The following MAD1L1 variants were observed in gnomAD, a reference collection of about 807,000 sequenced individuals.
MAD1L1 encodes the protein mitotic spindle assembly checkpoint protein MAD1.
In MAD1L1, 95 loss-of-function variants were observed where a neutral mutation model predicts 96.9. The ratio of observed to expected loss-of-function variants is 0.98; its 90% confidence interval spans 0.83 to 1.16. The LOEUF (loss-of-function observed/expected upper bound fraction) is 1.16, where lower values mean the gene tolerates loss of function less well. Among genes scored for constraint, MAD1L1 ranks in the 50% most tolerant of loss-of-function variants. The pLI is 0.00. For synonymous variants in MAD1L1, 473 were observed against 396.6 expected (o/e 1.19, Z -2.29); for missense variants, 1,007 against 954.4 (o/e 1.06, Z -0.73).
At chr7:1,890,372 T>C (rs1302416200) in intron 18 of MAD1L1, among the ~76,000 whole-genome samples, 1 of 152,178 alleles carries the variant, frequency 6.6e-6, no homozygotes, top group Non-Finnish European at 1.5e-5. Flanking sequence ...CCATGAGAGC[T>C]GGTTGTTAGA....
At chr7:1,932,152 G>A (rs1789515748) in intron 17 of MAD1L1, among the ~76,000 whole-genome samples, 3 of 152,112 alleles carry the variant, frequency 2.0e-5, no homozygotes, top group African/African-American at 7.3e-5. Flanking sequence ...CCCAGGCTGG[G>A]GGCTTCCTTC....
intron 12 of MAD1L1, among the ~76,000 whole-genome samples, chr7:2,023,842 G>A (rs556737480): frequency 7.2e-5 from 11 of 152,112 alleles, no homozygotes; most frequent in African/African-American, 1.4e-4. Flanking sequence ...CCAGCTACTT[G>A]GAAGACCGAG....
chr7:2,041,363 T>C (rs1584159973), intron 12 of MAD1L1, among the ~76,000 whole-genome samples: 2 of 148,832 alleles, frequency 1.3e-5, no homozygotes, highest in East Asian at 2.0e-4. Flanking sequence ...GCCTGTCTCC[T>C]AGTCTGGGGC....
At chr7:1,840,981 A>G (rs943117824) in intron 18 of MAD1L1, among the ~76,000 whole-genome samples, 8 of 152,228 alleles carry the variant, frequency 5.3e-5, no homozygotes, top group Non-Finnish European at 1.0e-4. Flanking sequence ...GTGCGTTTGC[A>G]GCCTGGATGT....
chr7:2,081,210 G>T (rs549747777), intron 11 of MAD1L1, among the ~76,000 whole-genome samples: 1 of 152,222 alleles, frequency 6.6e-6, no homozygotes, highest in Admixed American at 6.5e-5. Flanking sequence ...GTGGGGAGGT[G>T]GGGAGGCTCT....
chr7:2,079,900 G>C (rs1167865725), intron 11 of MAD1L1: 1 of 378,946 alleles, frequency 2.6e-6, no homozygotes, highest in Non-Finnish European at 5.3e-6. Context: ...GGAGAAAAAA[G>C]AGAAGCCACA....
At chr7:2,116,132 G>C (rs748623964) in intron 11 of MAD1L1, among the ~76,000 whole-genome samples, 12 of 152,348 alleles carry the variant, frequency 7.9e-5, no homozygotes, top group Middle Eastern at 6.8e-3. Context: ...GGACCTCACT[G>C]TCCACACTGA....
At chr7:1,924,431 G>A (rs1788981325) in intron 17 of MAD1L1, among the ~76,000 whole-genome samples, 2 of 152,194 alleles carry the variant, frequency 1.3e-5, no homozygotes, top group South Asian at 4.1e-4. Context: ...TTGAGTGACT[G>A]CAGGTTGCTC....
chr7:2,171,054 T>C (rs1008876636), intron 10 of MAD1L1, among the ~76,000 whole-genome samples: 1 of 152,214 alleles, frequency 6.6e-6, no homozygotes, highest in Non-Finnish European at 1.5e-5. Flanking sequence ...CAGAACTCGA[T>C]AGTGCTTCAA....
intron 12 of MAD1L1, among the ~76,000 whole-genome samples, chr7:2,030,965 T>C (rs576159996): frequency 1.3e-5 from 2 of 152,336 alleles, no homozygotes; most frequent in African/African-American, 4.8e-5. Flanking sequence ...CAAGGTTATC[T>C]TATCTGACCA....
chr7:2,148,372 A>T (rs996110305), intron 11 of MAD1L1: 1 of 152,874 alleles, frequency 6.5e-6, no homozygotes, highest in African/African-American at 2.4e-5. Flanking sequence ...CCGCAAGCCC[A>T]CCCCACTGCC....
chr7:1,966,815 G>A (rs934004243), intron 15 of MAD1L1, among the ~76,000 whole-genome samples: 2 of 152,280 alleles, frequency 1.3e-5, no homozygotes, highest in Non-Finnish European at 2.9e-5. Flanking sequence ...CGTGCTGGGA[G>A]GCGAGGGCCG....
At chr7:2,115,634 T>C (rs182177992) in intron 11 of MAD1L1, among the ~76,000 whole-genome samples, 94 of 152,236 alleles carry the variant, frequency 6.2e-4, no homozygotes, top group African/African-American at 2.0e-3. Context: ...GGAGGCTGGA[T>C]AGAGGCTCCA....
chr7:2,046,359 C>T (rs746220912), intron 12 of MAD1L1, among the ~76,000 whole-genome samples: 4 of 152,190 alleles, frequency 2.6e-5, no homozygotes, highest in Non-Finnish European at 4.4e-5. Flanking sequence ...GGCCGTCCAG[C>T]GAGCTAGGAA....
chr7:2,166,526 T>A (rs1584468890), intron 10 of MAD1L1, among the ~76,000 whole-genome samples: 1 of 152,314 alleles, frequency 6.6e-6, no homozygotes, highest in Non-Finnish European at 1.5e-5. Context: ...TAATTTTCTC[T>A]CCCTGTTTCC....
At chr7:1,887,541 GC>G (rs2128668734) in intron 18 of MAD1L1, among the ~76,000 whole-genome samples, 1 of 151,468 alleles carries the variant, frequency 6.6e-6, no homozygotes, top group South Asian at 2.1e-4. Context: ...GCATGTGGCT[GC>G]CTGTGCATGT....
intron 17 of MAD1L1, among the ~76,000 whole-genome samples, chr7:1,935,080 C>T (rs867011483): frequency 6.6e-6 from 1 of 152,238 alleles, no homozygotes; most frequent in Non-Finnish European, 1.5e-5. Flanking sequence ...AACAGACAAG[C>T]GAATGGGTGC....
intron 11 of MAD1L1, among the ~76,000 whole-genome samples, chr7:2,115,808 G>A (rs932066170): frequency 2.6e-5 from 4 of 152,254 alleles, no homozygotes; most frequent in Non-Finnish European, 4.4e-5. Context: ...CAGAGGGAAC[G>A]CACTGAGGTG....
intron 10 of MAD1L1, among the ~76,000 whole-genome samples, chr7:2,173,902 G>A (rs771972737): frequency 3.3e-5 from 5 of 152,270 alleles, no homozygotes; most frequent in South Asian, 2.1e-4. Flanking sequence ...GGGCTCAAGC[G>A]ATCCTCCTGC....
Sources: gnomAD v4.1 joint callset for allele counts (sites outside exome capture counted in the v4.1 genomes callset) on GRCh38, gnomAD v4.1.1 for gene constraint, MANE v1.5 for transcripts, NCBI Gene and HGNC (gene_info 2026-07-23, HGNC 2026-07-21) for gene names.